Variants in FGD4 observed in about 807,000 individuals in gnomAD.
FGD4 encodes the protein FYVE, RhoGEF and PH domain containing 4.
In FGD4, 42 loss-of-function variants were observed where a neutral mutation model predicts 102.0. The ratio of observed to expected loss-of-function variants is 0.41; its 90% CI spans 0.32 to 0.53. The LOEUF (loss-of-function observed/expected upper bound fraction) is 0.53, where lower values mean the gene tolerates loss of function less well. Ranked by LOEUF, FGD4 falls within the 20% of genes least tolerant of loss-of-function variation. The pLI, the probability that FGD4 is intolerant of heterozygous loss-of-function variation, is 0.21. For synonymous variants in FGD4, 380 were observed against 375.7 expected, an observed-to-expected ratio of 1.01 and a Z score of -0.13; for missense variants, 902 against 1,078.2, an observed-to-expected ratio of 0.84 and a Z score of 2.29.
chr12:32,429,198 A>T (rs926485523), intron 1 of FGD4, among the ~76,000 whole-genome samples: 2 of 151,968 alleles, frequency 1.3e-5, no homozygotes, highest in African/African-American at 2.4e-5. Context: ...TGACCTTCGG[A>T]TGGGGTTTCT....
At position 32,564,270 on chromosome 12, in the gene FGD4, T is replaced by C; in HGVS notation, c.300T>C (p.Ala100=). 6.5e-7 allele frequency: 1 copy of C among 1,536,034 alleles called. No individual in the cohort carries two copies. The highest frequency in any genetic ancestry group is 2.4e-5 in the East Asian group (1 of 40,896). The change falls in exon 2 of 17, where the codon GCT becomes GCC. Residue 100 remains alanine, a synonymous_variant. Coordinates refer to ENST00000534526, the MANE Select transcript of FGD4 (RefSeq NM_001370298.3). ...INGNRPAKHS[A]ASPKPQVPPK... ...GGAACAGGCCAGCAAAACACTCAGC[T>C]GCAAGTCCAAAGCCACAAGGTATGC...
At chr12:32,423,840 T>C (rs2136422942) in intron 1 of FGD4, among the ~76,000 whole-genome samples, 1 of 150,872 alleles carries the variant, frequency 6.6e-6, no homozygotes, top group Admixed American at 6.6e-5. Context: ...GTAAATTTAC[T>C]GTCATGGCAC....
At position 32,625,074 on chromosome 12, in the gene FGD4, T is replaced by C. The variant is rs1291359892; in HGVS notation, c.2046+6T>C. ...ACATTCACTCAGAGGTTTCTGTGAGTTGAATTAAATTCTTAACTTCAACCT... is the reference window on the plus strand; with the variant it reads ...ACATTCACTCAGAGGTTTCTGTGAGCTGAATTAAATTCTTAACTTCAACCT... On this transcript the variant is annotated splice_donor_region_variant and intron_variant, in intron 13 of 16. Coordinates refer to ENST00000534526, the MANE Select transcript of FGD4 (RefSeq NM_001370298.3). 8.1e-6 allele frequency: 13 copies of C among 1,608,108 alleles called. No individual in the cohort carries two copies. The highest frequency in any genetic ancestry group is 2.2e-5 in the East Asian group (1 of 44,688).
At position 32,544,449 on chromosome 12, in the gene FGD4, G is replaced by C. The variant is rs1943076948; in HGVS notation, c.167-19688G>C. Among the ~76,000 whole-genome samples the C allele has an allele frequency of 6.6e-6, 1 of 151,704 alleles. No individual in the cohort carries two copies. Among genetic ancestry groups the C allele is most frequent in the Non-Finnish European group, 1.5e-5 (1 of 67,920 alleles). On this transcript the variant is annotated intron_variant, in intron 1 of 16. Coordinates refer to ENST00000534526, the MANE Select transcript of FGD4 (RefSeq NM_001370298.3). This position sits in a 1 kb window ranked among gnomAD's most constrained non-coding sequence, Gnocchi z 4.1. The stretch of plus-strand genomic sequence containing the variant: ...TCTCAAAACAAAGAAAATTGTTTTT[G>C]GCTGGGTGCAGTGGCTCATGCCTGT...
At chr12:32,626,489 T>A (rs1950182994) in intron 14 of FGD4, among the ~76,000 whole-genome samples, 2 of 145,146 alleles carry the variant, frequency 1.4e-5, no homozygotes, top group South Asian at 4.4e-4. Context: ...GAGCTAATAA[T>A]CAATAGAGAC....
At chr12:32,526,014 C>A (rs983604685) in intron 1 of FGD4, among the ~76,000 whole-genome samples, 10 of 152,372 alleles carry the variant, frequency 6.6e-5, no homozygotes, top group Middle Eastern at 3.4e-3. Context: ...CCCTGCTCCA[C>A]GGCGCCCAGT....
intron 4 of FGD4, among the ~76,000 whole-genome samples, chr12:32,589,657 C>T (rs958773998): frequency 6.6e-6 from 1 of 152,222 alleles, no homozygotes; most frequent in South Asian, 2.1e-4. Context: ...CTCTTCACCA[C>T]CACTTACTTC....
chr12:32,637,538 G>A (rs2137064395), intron 15 of FGD4: 1 of 152,288 alleles, frequency 6.6e-6, no homozygotes, highest in Admixed American at 6.5e-5. Flanking sequence ...GGAGCTTGCA[G>A]TGAGCTGAGA....
At chr12:32,619,376 C>G (rs182925229) in intron 10 of FGD4, among the ~76,000 whole-genome samples, 251 of 152,198 alleles carry the variant, frequency 1.6e-3, no homozygotes, top group African/African-American at 5.8e-3. Flanking sequence ...CACCTGTAAT[C>G]CCAGCACTTT....
At chr12:32,478,703 G>A (rs1943646533) in intron 1 of FGD4, among the ~76,000 whole-genome samples, 1 of 152,182 alleles carries the variant, frequency 6.6e-6, no homozygotes, top group Admixed American at 6.5e-5. Context: ...GATTGACTTT[G>A]TGCTTCCTCC....
intron 1 of FGD4, among the ~76,000 whole-genome samples, chr12:32,558,811 G>A (rs750382459): frequency 4.6e-5 from 7 of 152,206 alleles, no homozygotes; most frequent in Non-Finnish European, 7.3e-5. Context: ...GAATATTTGA[G>A]GTTGGCGTAT....
intron 4 of FGD4, among the ~76,000 whole-genome samples, chr12:32,592,840 CTT>C (rs1947591558): frequency 6.6e-6 from 1 of 152,050 alleles, no homozygotes; most frequent in African/African-American, 2.4e-5. Context: ...AAAAGTATCT[CTT>C]TAATAGAATT....
intron 1 of FGD4, among the ~76,000 whole-genome samples, chr12:32,444,509 A>AT (rs1432708282): frequency 1.4e-4 from 21 of 152,054 alleles, no homozygotes; most frequent in African/African-American, 4.1e-4. Context: ...GGTTCAAGTG[A>AT]TTCTCCTGCC....
At chr12:32,536,802 G>A (rs1942304771) in intron 1 of FGD4, among the ~76,000 whole-genome samples, 1 of 152,234 alleles carries the variant, frequency 6.6e-6, no homozygotes, top group African/African-American at 2.4e-5. Flanking sequence ...CCCTCTTAGA[G>A]AATAAGTACA....
intron 2 of FGD4, among the ~76,000 whole-genome samples, chr12:32,568,993 C>T (rs906232695): frequency 6.6e-6 from 1 of 152,160 alleles, no homozygotes; most frequent in Non-Finnish European, 1.5e-5. Flanking sequence ...CTGCTATTCT[C>T]CTCTCCAAAA....
At chr12:32,407,067 T>C (rs1940966714) in intron 1 of FGD4, among the ~76,000 whole-genome samples, 1 of 148,216 alleles carries the variant, frequency 6.7e-6, no homozygotes, top group African/African-American at 2.5e-5. Flanking sequence ...CGCCTCCGCC[T>C]CCCAAAGTGC....
chr12:32,399,896 G>T lies in FGD4; in HGVS notation c.103G>T (p.Ala35Ser). ...GGTGCCCCGGCCCTGGAGCAGGCCCGCGTCGCACCTGGGACGTGTAGGGAC... is the reference window on the plus strand; with the variant it reads ...GGTGCCCCGGCCCTGGAGCAGGCCCTCGTCGCACCTGGGACGTGTAGGGAC... ...PGVPRPWSRP[A>S]SHLGRVGTAA... Residue 35 changes from alanine (A) to serine (S), a missense_variant, in exon 1 of 17, where the codon GCG becomes TCG. Physicochemically the swap from Ala to Ser is moderately conservative, Grantham distance 99 (BLOSUM62 1). Transcript: ENST00000534526. 1 of 1,529,532 alleles carries T rather than the reference G, an allele frequency of 6.5e-7. No homozygotes were observed. The highest frequency in any genetic ancestry group is 8.7e-7 in the Non-Finnish European group (1 of 1,144,584). The allele number at this position is 1,529,532 out of a possible 1,614,324, so 94.7% of individuals were successfully genotyped here.
At chr12:32,488,548 CT>C (rs113067218) in intron 1 of FGD4, among the ~76,000 whole-genome samples, 23,651 of 151,838 alleles carry the variant, frequency 0.16, 2,035 homozygotes, top group Non-Finnish European at 0.21. Context: ...TGTGTTCCCC[CT>C]GTTAGCTTAG....
intron 10 of FGD4, among the ~76,000 whole-genome samples, chr12:32,617,838 A>G (rs1949540329): frequency 6.6e-6 from 1 of 152,220 alleles, no homozygotes; most frequent in African/African-American, 2.4e-5. Context: ...TATATGACAT[A>G]ATCTTCTTTG....
Sources: gnomAD v4.1 joint callset for allele counts (sites outside exome capture counted in the v4.1 genomes callset) on GRCh38, gnomAD v4.1.1 for gene constraint, Gnocchi (gnomAD v3.1) non-coding constraint, MANE v1.5 for transcripts, NCBI Gene and HGNC (gene_info 2026-07-23, HGNC 2026-07-21) for gene names.